Variants in PHACTR3 observed in about 807,000 individuals in gnomAD.
The protein encoded by PHACTR3 is phosphatase and actin regulator 3.
A neutral mutation model predicts 66.8 loss-of-function variants in PHACTR3; 16 were observed. That is an observed-to-expected ratio of 0.24 (90% CI 0.16 to 0.36). The LOEUF is 0.36. Among genes scored for constraint, PHACTR3 ranks in the 10% least tolerant of loss-of-function variants. The pLI is 1.00. For missense variants in PHACTR3, 647 were observed against 719.9 expected (o/e 0.90, Z 1.16); for synonymous variants, 323 against 292.1 (o/e 1.11, Z -1.08).
intron 1 of PHACTR3, among the ~76,000 whole-genome samples, chr20:59,618,982 C>T (rs749084018): frequency 5.9e-5 from 9 of 152,164 alleles, no homozygotes; most frequent in East Asian, 3.8e-4. Context: ...GGGAGTTGGA[C>T]GTGGATTCCG....
Position 59,806,085 on chromosome 20 carries a change from C to G in PHACTR3, c.1219C>G (p.Leu407Val). 1 of 1,614,240 alleles carries G rather than the reference C, an allele frequency of 6.2e-7. No individual in the cohort carries two copies. The highest frequency in any genetic ancestry group is 8.5e-7 in the Non-Finnish European group (1 of 1,180,034). Reference protein sequence around the residue: ...KCKKELLAVKLRNRPSKQELE... With the variant: ...KCKKELLAVKVRNRPSKQELE... ...CAAGAAGGAGCTCCTGGCCGTGAAG[C>G]TAAGGAACCGGCCAAGCAAACAGGA... Residue 407 changes from leucine to valine, a missense_variant, in exon 8 of 13, where the codon CTA becomes GTA. Coordinates refer to ENST00000371015, the MANE Select transcript of PHACTR3 (RefSeq NM_080672.5).
intron 1 of PHACTR3, among the ~76,000 whole-genome samples, chr20:59,707,787 G>C (rs1011387479): frequency 7.9e-5 from 12 of 152,128 alleles, no homozygotes; most frequent in African/African-American, 2.9e-4. Context: ...TCTTGCCATC[G>C]AACGTGCCTG....
At chr20:59,833,031 C>T (rs1007841438) in intron 8 of PHACTR3, among the ~76,000 whole-genome samples, 16 of 152,192 alleles carry the variant, frequency 1.1e-4, no homozygotes, top group Non-Finnish European at 2.4e-4. Flanking sequence ...GCCCACAGCA[C>T]TGTCTAGGGT....
chr20:59,747,756 A>C lies in PHACTR3; in HGVS notation c.281-2A>C. 6.2e-7 allele frequency: 1 copy of C among 1,613,454 alleles called. No individual in the cohort carries two copies. The highest frequency in any genetic ancestry group is 8.5e-7 in the Non-Finnish European group (1 of 1,179,624). On this transcript the variant is annotated splice_acceptor_variant, in intron 2 of 12. Coordinates refer to ENST00000371015, the MANE Select transcript of PHACTR3 (RefSeq NM_080672.5). LOFTEE classifies it high-confidence loss of function. Reference sequence around the variant, plus strand: ...TCACCTGTGTGTTTGTGTGTTGGGCAGCGCTGGAGAAGAAGATGGCCGGCA... The same window carrying C: ...TCACCTGTGTGTTTGTGTGTTGGGCCGCGCTGGAGAAGAAGATGGCCGGCA...
At chr20:59,741,306 TGTTCGCAG>T (rs1399268459) in intron 1 of PHACTR3, among the ~76,000 whole-genome samples, 1 of 152,208 alleles carries the variant, frequency 6.6e-6, no homozygotes, top group African/African-American at 2.4e-5. Context: ...GGAGTGTGTA[TGTTCGCAG>T]GGCGAGGGGT....
intron 1 of PHACTR3, among the ~76,000 whole-genome samples, chr20:59,666,861 GGTCTGAGT>G (rs2036012075): frequency 6.6e-6 from 1 of 152,214 alleles, no homozygotes; most frequent in African/African-American, 2.4e-5. Flanking sequence ...TGATCAAACT[GGTCTGAGT>G]GGGCTTCTGG....
chr20:59,715,689 A>G (rs1485299747), intron 1 of PHACTR3, among the ~76,000 whole-genome samples: 2 of 152,090 alleles, frequency 1.3e-5, no homozygotes, highest in Admixed American at 1.3e-4. Context: ...TAAGACTGGT[A>G]TTATTTCTTC....
rs1242734799 is a variant in PHACTR3 at position 59,830,040 on chromosome 20, T to A, written c.1329-6465T>A. Among the ~76,000 whole-genome samples the A allele has an allele frequency of 6.6e-6, 1 of 152,220 alleles. No individual in the cohort carries two copies. The highest frequency in any genetic ancestry group is 1.5e-5 in the Non-Finnish European group (1 of 68,046). ...CTCATCATGCAGGAAGGCAGTCAGC[T>A]GAGCAGTGTGTGCAGAGGACGATTC... On this transcript the variant is annotated intron_variant, in intron 8 of 12. Transcript: ENST00000371015. This position sits in a 1 kb window ranked among gnomAD's most constrained non-coding sequence, Gnocchi z 5.8.
chr20:59,644,689 T>C (rs969821361), intron 1 of PHACTR3, among the ~76,000 whole-genome samples: 1 of 152,184 alleles, frequency 6.6e-6, no homozygotes, highest in Non-Finnish European at 1.5e-5. Context: ...TTTGCCCTGG[T>C]GTCCCAGGTT....
chr20:59,606,572 T>C (rs2033678678), intron 1 of PHACTR3, among the ~76,000 whole-genome samples: 1 of 152,198 alleles, frequency 6.6e-6, no homozygotes, highest in African/African-American at 2.4e-5. Context: ...TTTCTCTGGG[T>C]TGGAGAGGCG....
At chr20:59,604,455 C>T, upstream of PHACTR3, 1 of 278,908 alleles carries the variant, frequency 3.6e-6, no homozygotes, top group South Asian at 1.4e-4. Context: ...TTCTCACGCC[C>T]CTCTCCCGTG....
chr20:59,683,409 C>G (rs930521453), intron 1 of PHACTR3, among the ~76,000 whole-genome samples: 1 of 152,004 alleles, frequency 6.6e-6, no homozygotes, highest in South Asian at 2.1e-4. Context: ...TGTGAGCTAA[C>G]GCGCTCTCTC....
chr20:59,755,936 T>TC (rs2039776934), intron 4 of PHACTR3, among the ~76,000 whole-genome samples: 2 of 152,294 alleles, frequency 1.3e-5, no homozygotes, highest in Admixed American at 1.3e-4. Flanking sequence ...GCTCCAAGCC[T>TC]CAGTTTCCCT....
intron 1 of PHACTR3, among the ~76,000 whole-genome samples, chr20:59,594,489 T>A (rs1600879129): frequency 6.6e-6 from 1 of 152,186 alleles, no homozygotes; most frequent in Non-Finnish European, 1.5e-5. Context: ...AGACACACAA[T>A]GTTGAAAACC....
At chr20:59,802,698 C>T (rs1013464361) in intron 7 of PHACTR3, among the ~76,000 whole-genome samples, 43 of 152,168 alleles carry the variant, frequency 2.8e-4, no homozygotes, top group African/African-American at 8.9e-4. Flanking sequence ...CTCTGGTATC[C>T]GGAGAGAAGG....
chr20:59,671,674 G>A (rs1340898574), intron 1 of PHACTR3, among the ~76,000 whole-genome samples: 1 of 152,246 alleles, frequency 6.6e-6, no homozygotes, highest in East Asian at 1.9e-4. Flanking sequence ...CATGAGGATG[G>A]AATTGTCCAG....
chr20:59,607,993 G>A (rs923720549), intron 1 of PHACTR3, among the ~76,000 whole-genome samples: 3 of 152,072 alleles, frequency 2.0e-5, no homozygotes, highest in African/African-American at 7.2e-5. Context: ...GAGGCCACAG[G>A]GGACCCACAT....
intron 8 of PHACTR3, among the ~76,000 whole-genome samples, chr20:59,835,496 C>A (rs1272569022): frequency 6.6e-6 from 1 of 152,170 alleles, no homozygotes; most frequent in East Asian, 1.9e-4. Flanking sequence ...AACATCCTCA[C>A]TGGGGCAAAA....
intron 2 of PHACTR3, among the ~76,000 whole-genome samples, chr20:59,743,558 G>A (rs542476219): frequency 2.0e-5 from 3 of 152,332 alleles, no homozygotes; most frequent in East Asian, 3.9e-4. Context: ...TAAAAACGAA[G>A]CCTCTGATTT....
Sources: gnomAD v4.1 joint callset for allele counts (sites outside exome capture counted in the v4.1 genomes callset) on GRCh38, gnomAD v4.1.1 for gene constraint, Gnocchi (gnomAD v3.1) non-coding constraint, MANE v1.5 for transcripts, NCBI Gene and HGNC (gene_info 2026-07-23, HGNC 2026-07-21) for gene names.